Variants in ST6GAL2 observed in about 807,000 individuals in gnomAD.
ST6GAL2 encodes the protein beta-galactoside alpha-2,6-sialyltransferase 2.
Under a neutral mutation model 37.5 loss-of-function variants are expected in ST6GAL2, and 24 were observed. The observed-to-expected ratio is 0.64, with a 90% CI of 0.46 to 0.90. ST6GAL2 has a LOEUF of 0.90. Among genes scored for constraint, ST6GAL2 ranks in the 40% least tolerant of loss-of-function variants. The probability of loss-of-function intolerance (pLI) is 0.00; values close to 1 mark genes in which losing one functional copy is unlikely to be tolerated. For missense variants in ST6GAL2, 715 were observed against 712.7 expected, an observed-to-expected ratio of 1.00 and a Z score of -0.04; for synonymous variants, 306 against 295.1, an observed-to-expected ratio of 1.04 and a Z score of -0.38.
chr2:106,825,639 T>G (rs1676172475), intron 5 of ST6GAL2, among the ~76,000 whole-genome samples: 1 of 152,282 alleles, frequency 6.6e-6, no homozygotes, highest in Admixed American at 6.5e-5. Context: ...TATTTGTATC[T>G]GCTATGTACC....
chr2:106,834,312 G>A (rs1676546044), intron 2 of ST6GAL2, among the ~76,000 whole-genome samples, 166 bp from the exon 3 acceptor site: 1 of 152,230 alleles, frequency 6.6e-6, no homozygotes, highest in Non-Finnish European at 1.5e-5. Flanking sequence ...CACTGAGAAT[G>A]AGATCTTGGC....
chr2:106,856,445 G>A (rs1036936852), intron 1 of ST6GAL2, among the ~76,000 whole-genome samples: 1 of 152,206 alleles, frequency 6.6e-6, no homozygotes, highest in Admixed American at 6.5e-5. Flanking sequence ...AGACTTGAGT[G>A]TGGAAGGGAA....
Position 106,877,996 on chromosome 2 carries a change from C to G in ST6GAL2, c.-58+8097G>C, listed in dbSNP as rs1298830725. On this transcript the variant is annotated intron_variant, in intron 1 of 5. Coordinates refer to ENST00000409382, the MANE Select transcript of ST6GAL2 (RefSeq NM_001142351.2). ...GGTTGTGCCCACCACCCTGAAAATT[C>G]AGTGGCTATTGCTTAGGTGCTGGAT... Among the ~76,000 whole-genome samples, 3 of 152,236 alleles carry G rather than the reference C, an allele frequency of 2.0e-5. No homozygotes were observed. The East Asian group carries it at 5.8e-4, about 29-fold the overall frequency.
chr2:106,850,178 G>C (rs893742204), intron 1 of ST6GAL2, among the ~76,000 whole-genome samples: 2 of 152,148 alleles, frequency 1.3e-5, no homozygotes, highest in African/African-American at 4.8e-5. Flanking sequence ...GTCATGGGGA[G>C]ATGACATATG....
At chr2:106,818,152 C>T (rs1415044525) in intron 5 of ST6GAL2, among the ~76,000 whole-genome samples, 2 of 152,178 alleles carry the variant, frequency 1.3e-5, no homozygotes, top group Admixed American at 1.3e-4. Context: ...ACTCACTAGC[C>T]TGAAGGGAAG....
At chr2:106,878,938 TTA>T (rs1363020576) in intron 1 of ST6GAL2, among the ~76,000 whole-genome samples, 1 of 152,160 alleles carries the variant, frequency 6.6e-6, no homozygotes, top group Non-Finnish European at 1.5e-5. Context: ...ATGAGTTTGT[TTA>T]GTTTTACCTG....
chr2:106,818,541 C>T (rs995914952), intron 5 of ST6GAL2, among the ~76,000 whole-genome samples: 4 of 152,158 alleles, frequency 2.6e-5, no homozygotes, highest in African/African-American at 9.7e-5. Flanking sequence ...GCAGATACAG[C>T]TGAAGTGACC....
intron 1 of ST6GAL2, among the ~76,000 whole-genome samples, chr2:106,881,171 T>C (rs1176329852): frequency 6.6e-6 from 1 of 152,052 alleles, no homozygotes. Context: ...AATTTTTTTG[T>C]AGTTATGGGG....
At chr2:106,817,788 C>T (rs963205379) in intron 5 of ST6GAL2, among the ~76,000 whole-genome samples, 10 of 152,188 alleles carry the variant, frequency 6.6e-5, no homozygotes, top group African/African-American at 1.4e-4. Context: ...AGATTCCAGG[C>T]GTTGGCTCTC....
At chr2:106,878,759 T>A (rs1678614705) in intron 1 of ST6GAL2, among the ~76,000 whole-genome samples, 1 of 152,162 alleles carries the variant, frequency 6.6e-6, no homozygotes, top group South Asian at 2.1e-4. Context: ...GACTTGAGCA[T>A]CCATGGATTA....
chr2:106,818,213 T>C (rs1281823300), intron 5 of ST6GAL2, among the ~76,000 whole-genome samples: 1 of 152,120 alleles, frequency 6.6e-6, no homozygotes, highest in Non-Finnish European at 1.5e-5. Flanking sequence ...CCCTAGGACA[T>C]TGAGTGAACA....
chr2:106,842,445 G>T (rs570628284), intron 2 of ST6GAL2, among the ~76,000 whole-genome samples: 4 of 152,328 alleles, frequency 2.6e-5, no homozygotes, highest in African/African-American at 9.6e-5. Context: ...CAGTTGGGAG[G>T]CCGGAACTTA....
intron 1 of ST6GAL2, among the ~76,000 whole-genome samples, chr2:106,867,673 C>T (rs1678090905): frequency 1.3e-5 from 2 of 152,136 alleles, no homozygotes; most frequent in Admixed American, 1.3e-4. Context: ...TCTAATCTTT[C>T]AGGGCACAGT....
intron 5 of ST6GAL2, among the ~76,000 whole-genome samples, chr2:106,815,603 G>C (rs868439497): frequency 1.3e-5 from 2 of 152,142 alleles, no homozygotes; most frequent in African/African-American, 4.8e-5. Flanking sequence ...CAGATGACAC[G>C]CATTACAATA....
At chr2:106,836,773 CAAAAA>C (rs70956213) in intron 2 of ST6GAL2, among the ~76,000 whole-genome samples, 3 of 70,216 alleles carry the variant, frequency 4.3e-5, no homozygotes, top group Admixed American at 1.9e-4. Context: ...ACTAAAAATA[CAAAAA>C]AAAAAAAAAA....
intron 5 of ST6GAL2, among the ~76,000 whole-genome samples, chr2:106,815,262 C>T (rs1675757998): frequency 6.6e-6 from 1 of 152,162 alleles, no homozygotes; most frequent in Admixed American, 6.5e-5. Flanking sequence ...ATACCCTTTG[C>T]ACTGGCACTA....
chr2:106,819,864 A>G (rs771204204), intron 5 of ST6GAL2, among the ~76,000 whole-genome samples: 2 of 152,086 alleles, frequency 1.3e-5, no homozygotes, highest in African/African-American at 2.4e-5. Context: ...ACACAAATGT[A>G]GAATTTTTAT....
At chr2:106,846,542 G>A (rs1400251015) in intron 1 of ST6GAL2, among the ~76,000 whole-genome samples, 1 of 152,120 alleles carries the variant, frequency 6.6e-6, no homozygotes, top group Non-Finnish European at 1.5e-5. Flanking sequence ...CCAAAAAGAA[G>A]AAGTCCTAAA....
intron 1 of ST6GAL2, among the ~76,000 whole-genome samples, chr2:106,880,867 A>G (rs1678721403): frequency 6.6e-6 from 1 of 152,218 alleles, no homozygotes; most frequent in Non-Finnish European, 1.5e-5. Context: ...ACAACACATA[A>G]TGCAGGAATT....
Sources: allele counts gnomAD v4.1 joint callset (sites outside exome capture counted in the v4.1 genomes callset), GRCh38; gene constraint gnomAD v4.1.1; transcripts MANE v1.5; gene names NCBI Gene and HGNC (gene_info 2026-07-23, HGNC 2026-07-21).